Variants in DPP10 observed in about 807,000 individuals in gnomAD.
The protein encoded by DPP10 is dipeptidyl peptidase like 10.
A neutral mutation model predicts 120.9 loss-of-function variants in DPP10; 33 were observed. The ratio of observed to expected loss-of-function variants is 0.27; its 90% CI spans 0.21 to 0.37. DPP10 has a LOEUF of 0.37. Among genes scored for constraint, DPP10 ranks in the 10% least tolerant of loss-of-function variants. The pLI, the probability that DPP10 is intolerant of heterozygous loss-of-function variation, is 1.00. For synonymous variants in DPP10, 337 were observed against 326.1 expected (o/e 1.03, Z -0.36); for missense variants, 816 against 942.8 (o/e 0.87, Z 1.76).
chr2:114,553,885 G>A (rs1163306633), intron 1 of DPP10, among the ~76,000 whole-genome samples: 3 of 152,200 alleles, frequency 2.0e-5, no homozygotes, highest in Non-Finnish European at 4.4e-5. Flanking sequence ...ACTGTTTCAG[G>A]ATTGGAAATA....
intron 19 of DPP10, among the ~76,000 whole-genome samples, chr2:115,794,600 GC>G (rs1684341134): frequency 1.3e-5 from 2 of 152,022 alleles, no homozygotes; most frequent in Admixed American, 6.6e-5. Context: ...AATCTAAGAA[GC>G]ATTGGCACCA....
At chr2:115,707,854 A>G (rs2092180266) in intron 7 of DPP10, among the ~76,000 whole-genome samples, 1 of 151,882 alleles carries the variant, frequency 6.6e-6, no homozygotes, top group Non-Finnish European at 1.5e-5. Flanking sequence ...AAAAATATCT[A>G]TATATTATTT....
intron 1 of DPP10, among the ~76,000 whole-genome samples, chr2:114,574,288 C>A (rs1400727544): frequency 6.6e-6 from 1 of 152,022 alleles, no homozygotes; most frequent in African/African-American, 2.4e-5. Context: ...CCCCTGGGAC[C>A]CCCTATGGAA....
At chr2:115,478,679 A>G (rs766224973) in intron 3 of DPP10, among the ~76,000 whole-genome samples, 1 of 152,198 alleles carries the variant, frequency 6.6e-6, no homozygotes, top group Non-Finnish European at 1.5e-5. Flanking sequence ...TATCCAGAAC[A>G]TATAGAAAAT....
chr2:114,988,210 C>T (rs1574641538), intron 1 of DPP10, among the ~76,000 whole-genome samples: 1 of 152,172 alleles, frequency 6.6e-6, no homozygotes, highest in East Asian at 1.9e-4. Flanking sequence ...CCAAGAGTTC[C>T]GGAGAAGTTT....
intron 3 of DPP10, among the ~76,000 whole-genome samples, chr2:115,404,742 G>A (rs1159382168): frequency 2.6e-5 from 4 of 152,166 alleles, no homozygotes; most frequent in African/African-American, 9.7e-5. Flanking sequence ...TCATGACATG[G>A]AAGAGAAATG....
chr2:114,985,943 G>A (rs1012758330), intron 1 of DPP10, among the ~76,000 whole-genome samples: 1 of 152,136 alleles, frequency 6.6e-6, no homozygotes, highest in Non-Finnish European at 1.5e-5. Context: ...AAACACTTAT[G>A]AGTTTTTAGA....
chr2:115,082,256 T>C (rs1319979474), intron 1 of DPP10, among the ~76,000 whole-genome samples: 1 of 152,180 alleles, frequency 6.6e-6, no homozygotes, highest in Non-Finnish European at 1.5e-5. Context: ...CTTCCTCTGC[T>C]GCCTTTGTGA....
At chr2:114,610,424 A>C (rs973947745) in intron 1 of DPP10, among the ~76,000 whole-genome samples, 1 of 152,154 alleles carries the variant, frequency 6.6e-6, no homozygotes, top group African/African-American at 2.4e-5. Flanking sequence ...TGACACTCAA[A>C]AGAATGGACA....
At chr2:114,989,567 A>G (rs1479052423) in intron 1 of DPP10, among the ~76,000 whole-genome samples, 1 of 152,212 alleles carries the variant, frequency 6.6e-6, no homozygotes, top group African/African-American at 2.4e-5. Flanking sequence ...TTTTGAGCAA[A>G]TGGGTTACTG....
chr2:114,676,098 C>T (rs1332985081), intron 1 of DPP10, among the ~76,000 whole-genome samples: 1 of 152,170 alleles, frequency 6.6e-6, no homozygotes, highest in African/African-American at 2.4e-5. Flanking sequence ...CCATGCCCAG[C>T]CCATCTCTAA....
At chr2:115,385,715 A>G (rs1365451442) in intron 3 of DPP10, among the ~76,000 whole-genome samples, 1 of 152,144 alleles carries the variant, frequency 6.6e-6, no homozygotes, top group Non-Finnish European at 1.5e-5. Flanking sequence ...CATAAATGCA[A>G]TTTTTCCTGA....
At chr2:115,752,985 G>A (rs1356990278) in intron 10 of DPP10, among the ~76,000 whole-genome samples, 189 bp from the exon 11 acceptor site, 1 of 151,748 alleles carries the variant, frequency 6.6e-6, no homozygotes, top group Admixed American at 6.6e-5. Context: ...ACATATATTT[G>A]TATTTATATA....
intron 3 of DPP10, among the ~76,000 whole-genome samples, chr2:115,399,248 A>G (rs980750273): frequency 1.3e-5 from 2 of 152,164 alleles, no homozygotes; most frequent in Non-Finnish European, 2.9e-5. Context: ...AGATCTAGTG[A>G]TTTTAAATAA....
intron 11 of DPP10, among the ~76,000 whole-genome samples, chr2:115,758,156 A>T (rs1175701309): frequency 1.3e-5 from 2 of 152,104 alleles, no homozygotes; most frequent in Non-Finnish European, 2.9e-5. Flanking sequence ...ATACAAAATC[A>T]CAATTTGTAA....
chr2:115,830,089 C>T (rs1688763216), intron 21 of DPP10, among the ~76,000 whole-genome samples: 1 of 152,092 alleles, frequency 6.6e-6, no homozygotes, highest in African/African-American at 2.4e-5. Flanking sequence ...GGAGCAGTGG[C>T]TCATGCGTGT....
intron 1 of DPP10, among the ~76,000 whole-genome samples, chr2:114,535,261 T>C (rs1483723282): frequency 6.6e-6 from 1 of 152,180 alleles, no homozygotes; most frequent in Admixed American, 6.5e-5. Context: ...AAGAAGAACA[T>C]CATCTCGCCT....
chr2:114,615,422 A>T (rs533037873), intron 1 of DPP10, among the ~76,000 whole-genome samples: 3 of 152,228 alleles, frequency 2.0e-5, no homozygotes, highest in African/African-American at 7.2e-5. Context: ...AATAGAGTTA[A>T]GCAGTTTGAA....
chr2:114,850,881 A>T (rs2106486076), intron 1 of DPP10, among the ~76,000 whole-genome samples: 1 of 152,180 alleles, frequency 6.6e-6, no homozygotes, highest in East Asian at 1.9e-4. Context: ...CAACAATGTC[A>T]TGTTAGTGTG....
Sources: allele counts gnomAD v4.1 joint callset (sites outside exome capture counted in the v4.1 genomes callset), GRCh38; gene constraint gnomAD v4.1.1; transcripts MANE v1.5; gene names NCBI Gene and HGNC (gene_info 2026-07-23, HGNC 2026-07-21).